FAAH2: variants seen among roughly 807,000 people sequenced by gnomAD.
FAAH2 encodes fatty acid amide hydrolase 2, also known as fatty-acid amide hydrolase 2.
A neutral mutation model predicts 36.9 loss-of-function variants in FAAH2; 60 were observed. The ratio of observed to expected loss-of-function variants is 1.63; its 90% CI spans 1.32 to 2.02. The LOEUF is 2.02. Among genes scored for constraint, FAAH2 ranks in the 30% most tolerant of loss-of-function variants. The pLI, the probability that FAAH2 is intolerant of heterozygous loss-of-function variation, is 0.00. For missense variants in FAAH2, 689 were observed against 397.5 expected, an observed-to-expected ratio of 1.73 and a Z score of -6.23; for synonymous variants, 214 against 143.8, an observed-to-expected ratio of 1.49 and a Z score of -3.49.
chrX:57,423,738 A>G (rs1355035030), intron 7 of FAAH2, among the ~76,000 whole-genome samples: 1 of 111,336 alleles, frequency 9.0e-6, no homozygotes, highest in African/African-American at 3.3e-5. Flanking sequence ...GAGCCTAAGC[A>G]TGGACTTGCC....
chrX:57,328,589 CT>C (rs762446510), intron 3 of FAAH2, among the ~76,000 whole-genome samples: 60 of 111,630 alleles, frequency 5.4e-4, no homozygotes, highest in Non-Finnish European at 1.0e-3. Context: ...CTTAAGAATG[CT>C]TGCTTGAGAA....
chrX:57,274,760 A>G, the FAAH2 span, among the ~76,000 whole-genome samples: 1 of 111,964 alleles, frequency 8.9e-6, no homozygotes, highest in Non-Finnish European at 1.9e-5. Flanking sequence ...ATATCTCAAA[A>G]TAATAAGAGC....
chrX:57,147,578 T>C, the FAAH2 span, among the ~76,000 whole-genome samples: 1 of 112,079 alleles, frequency 8.9e-6, no homozygotes, highest in Non-Finnish European at 1.9e-5. Context: ...CTGATCTTGG[T>C]TATTTCTTTT....
At chrX:57,347,283 G>C (rs1461210616) in intron 5 of FAAH2, among the ~76,000 whole-genome samples, 1 of 111,116 alleles carries the variant, frequency 9.0e-6, no homozygotes, top group Non-Finnish European at 1.9e-5. Flanking sequence ...CTTTATTTTT[G>C]TCTGACTGAG....
Position 57,286,731 on chromosome X carries a change from C to G in FAAH2, c.-95C>G. On this transcript the variant is annotated 5_prime_UTR_variant, in exon 1 of 11. Coordinates refer to ENST00000374900, the MANE Select transcript of FAAH2 (RefSeq NM_174912.4). ...AGACACTGGACTTGTAAACGAAAAG[C>G]TTCATAAGTCCCTCTTTGCTTAGTA... 1 of 866,770 alleles carries G rather than the reference C, an allele frequency of 1.2e-6. No homozygotes were observed. The highest frequency in any genetic ancestry group is 4.6e-5 in the South Asian group (1 of 21,726). 71.4% of individuals were successfully genotyped at this position (866,770 alleles called of 1,213,427 possible).
the FAAH2 span, among the ~76,000 whole-genome samples, chrX:57,203,476 TGGCCAGTTTTGA>T: frequency 8.9e-6 from 1 of 112,063 alleles, no homozygotes; most frequent in African/African-American, 3.2e-5. Flanking sequence ...ATTTTATTTA[TGGCCAGTTTTGA>T]GGCCAGTTTA....
intron 7 of FAAH2, chrX:57,393,367 G>C: frequency 1.4e-6 from 1 of 738,005 alleles, no homozygotes; most frequent in South Asian, 2.1e-5. Context: ...GCACCACCAC[G>C]TGAGGGTGGA....
chrX:57,194,204 T>C, the FAAH2 span, among the ~76,000 whole-genome samples: 1 of 111,698 alleles, frequency 9.0e-6, no homozygotes, highest in Non-Finnish European at 1.9e-5. Flanking sequence ...ATCTCATTAC[T>C]TCTTATTTGT....
intron 8 of FAAH2, among the ~76,000 whole-genome samples, chrX:57,442,810 G>C (rs2147157270): frequency 9.0e-6 from 1 of 111,515 alleles, no homozygotes; most frequent in South Asian, 3.8e-4. Flanking sequence ...GCCTGGTGGT[G>C]ACAAAATCTC....
At chrX:57,424,658 A>G in intron 7 of FAAH2, among the ~76,000 whole-genome samples, 1 of 112,313 alleles carries the variant, frequency 8.9e-6, no homozygotes, top group East Asian at 2.8e-4. Context: ...TTACCACTAA[A>G]AACACTTAGA....
chrX:57,486,167 G>A (rs2057470274), intron 10 of FAAH2, among the ~76,000 whole-genome samples: 1 of 112,025 alleles, frequency 8.9e-6, no homozygotes, highest in Admixed American at 9.5e-5. Context: ...GTCAGTCAGG[G>A]CCATGTGCTG....
chrX:57,301,459 T>G (rs2052364549), intron 2 of FAAH2, among the ~76,000 whole-genome samples: 1 of 61,999 alleles, frequency 1.6e-5, no homozygotes. Context: ...CCGGGGACTG[T>G]TGTGGGGTGG....
the FAAH2 span, among the ~76,000 whole-genome samples, chrX:57,279,734 A>G: frequency 8.9e-6 from 1 of 112,150 alleles, no homozygotes; most frequent in African/African-American, 3.2e-5. Flanking sequence ...AGAACTAAAG[A>G]CAAAAAACAC....
At chrX:57,254,472 T>A in the FAAH2 span, among the ~76,000 whole-genome samples, 2 of 112,143 alleles carry the variant, frequency 1.8e-5, no homozygotes, top group Non-Finnish European at 3.8e-5. Flanking sequence ...AGAATATACA[T>A]TCTTCTCAGC....
chrX:57,304,092 A>C (rs1465663669), intron 2 of FAAH2, among the ~76,000 whole-genome samples: 1 of 111,625 alleles, frequency 9.0e-6, no homozygotes, highest in East Asian at 2.8e-4. Context: ...CTGTAATCCC[A>C]GCTACTCAGG....
the FAAH2 span, among the ~76,000 whole-genome samples, chrX:57,246,339 A>C: frequency 8.9e-6 from 1 of 111,974 alleles, no homozygotes; most frequent in Non-Finnish European, 1.9e-5. Context: ...TATTCCAAAC[A>C]ATAGAAAAAA....
the FAAH2 span, among the ~76,000 whole-genome samples, chrX:57,150,945 G>A: frequency 8.9e-6 from 1 of 111,964 alleles, no homozygotes; most frequent in African/African-American, 3.2e-5. Context: ...AGCTCTTTTA[G>A]GGCAGGCCTG....
At chrX:57,323,486 C>A (rs1218264118) in intron 3 of FAAH2, among the ~76,000 whole-genome samples, 1 of 111,581 alleles carries the variant, frequency 9.0e-6, no homozygotes, top group Non-Finnish European at 1.9e-5. Context: ...CACATCCTCT[C>A]CAGCACCTGT....
intron 10 of FAAH2, among the ~76,000 whole-genome samples, chrX:57,478,539 GT>G (rs771957350): frequency 1.0e-3 from 113 of 111,858 alleles, no homozygotes; most frequent in African/African-American, 3.5e-3. Context: ...TGCTTTTGGT[GT>G]TTTAGACATG....
Sources: gnomAD v4.1 joint callset for allele counts (sites outside exome capture counted in the v4.1 genomes callset) on GRCh38, gnomAD v4.1.1 for gene constraint, MANE v1.5 for transcripts, NCBI Gene and HGNC (gene_info 2026-07-23, HGNC 2026-07-21) for gene names.